Variants in MRTFB observed in about 807,000 individuals in gnomAD.
MRTFB encodes myocardin-related transcription factor B.
MRTFB carries 29 observed loss-of-function variants against 104.2 expected under a neutral mutation model. The observed-to-expected ratio is 0.28, with a 90% CI of 0.21 to 0.38. The LOEUF is 0.38. Ranked by LOEUF, MRTFB falls within the 10% of genes least tolerant of loss-of-function variation. MRTFB has a pLI of 1.00. For synonymous variants in MRTFB, 535 were observed against 519.5 expected, an observed-to-expected ratio of 1.03 and a Z score of -0.41; for missense variants, 1,270 against 1,341.6, an observed-to-expected ratio of 0.95 and a Z score of 0.83.
intron 3 of MRTFB, among the ~76,000 whole-genome samples, chr16:14,185,764 CTT>C (rs1264174735): frequency 6.6e-6 from 1 of 151,882 alleles, no homozygotes; most frequent in African/African-American, 2.4e-5. Context: ...TATGGGAACT[CTT>C]TGCAAAGGAA....
the MRTFB span, among the ~76,000 whole-genome samples, chr16:14,058,395 T>C: frequency 6.6e-6 from 1 of 151,922 alleles, no homozygotes; most frequent in Non-Finnish European, 1.5e-5. Flanking sequence ...ATAATAGAAA[T>C]AATGAAGGCA....
chr16:14,236,637 T>C (rs1032553915), intron 9 of MRTFB, among the ~76,000 whole-genome samples: 1 of 152,068 alleles, frequency 6.6e-6, no homozygotes, highest in Non-Finnish European at 1.5e-5. Context: ...GTGTGAGCCA[T>C]GAAGATATCT....
chr16:14,246,489 C>A lies in MRTFB; in HGVS notation c.1229C>A (p.Thr410Lys). ...TACCTCCAGGTATCAGAACTGAAGA[C>A]AGAACTGAAGTTAAGGGGTCTGCCA... ...LDDLKVSELK[T>K]ELKLRGLPVS... The change falls in exon 12 of 17, where the codon ACA (threonine) becomes AAA (lysine). Residue 410 changes from threonine to lysine, a missense_variant. Physicochemically the swap from Thr to Lys is moderately conservative, Grantham distance 78 (BLOSUM62 -1). This residue lies in a region of MRTFB where 1,144 missense variants were observed against 1,131.5 expected (regional missense o/e 1.01). Transcript: ENST00000571589. 6.2e-7 allele frequency: 1 copy of A among 1,614,058 alleles called. No homozygotes were observed. The highest frequency in any genetic ancestry group is 8.5e-7 in the Non-Finnish European group (1 of 1,179,958).
At chr16:14,218,748 T>TTTCCTCCTTCACATTAAGCTTGGTA (rs2041545478) in intron 7 of MRTFB, 72 bp from the exon 8 acceptor site, 6 of 1,439,406 alleles carry the variant, frequency 4.2e-6, no homozygotes, top group Non-Finnish European at 5.6e-6. Context: ...GAAACAATGT[T>TTTCCTCCTTCACATTAAGCTTGGTA]TTCCTCCTTC....
intron 12 of MRTFB, chr16:14,247,785 G>A (rs30147): frequency 0.19 from 73,456 of 383,266 alleles, 11,428 homozygotes; most frequent in African/African-American, 0.55. Flanking sequence ...CACCAGTGAC[G>A]TGATCATTGT....
chr16:14,242,640 A>G (rs2042824004), intron 10 of MRTFB, among the ~76,000 whole-genome samples: 1 of 152,172 alleles, frequency 6.6e-6, no homozygotes, highest in African/African-American at 2.4e-5. Context: ...AGTCCAGCCC[A>G]GCTTGTCTGC....
the MRTFB span, among the ~76,000 whole-genome samples, chr16:13,997,792 CA>C: frequency 0.047 from 4,262 of 90,628 alleles, 144 homozygotes; most frequent in African/African-American, 0.16. Context: ...GACCCTATCT[CA>C]AAAAAAAAAA....
intron 3 of MRTFB, among the ~76,000 whole-genome samples, chr16:14,205,865 G>A (rs1055114712): frequency 6.6e-6 from 1 of 152,164 alleles, no homozygotes; most frequent in African/African-American, 2.4e-5. Context: ...ACTCAGCAAG[G>A]CACCGGGAGA....
chr16:14,252,021 A>C lies in MRTFB; in HGVS notation c.2563A>C (p.Lys855Gln). 6.2e-7 allele frequency: 1 copy of C among 1,613,834 alleles called. No homozygotes were observed. The highest frequency in any genetic ancestry group is 8.5e-7 in the Non-Finnish European group (1 of 1,179,898). Residue 855 changes from lysine to glutamine, a missense_variant and splice_region_variant, in exon 14 of 17, where the codon AAG becomes CAG. Around this residue, in one of 3 missense-constraint regions of MRTFB, gnomAD observed 1,144 missense variants for 1,131.5 expected, o/e 1.01. Coordinates refer to ENST00000571589, the MANE Select transcript of MRTFB (RefSeq NM_001308142.2). Reference sequence around the variant, plus strand: ...GCAAAATGGACCTAACACACCCAACAAGGTAACCCTGTGAGGCTTGTGTGT... The same window carrying C: ...GCAAAATGGACCTAACACACCCAACCAGGTAACCCTGTGAGGCTTGTGTGT... ...SLQNGPNTPNKPSSPPPPQQF... is the reference protein window; with the variant it reads ...SLQNGPNTPNQPSSPPPPQQF...
chr16:14,117,877 G>T (rs1331439819), intron 2 of MRTFB, among the ~76,000 whole-genome samples: 10 of 152,020 alleles, frequency 6.6e-5, no homozygotes, highest in African/African-American at 2.4e-4. Context: ...CAACCATTTT[G>T]GTAAATTTCA....
intron 3 of MRTFB, chr16:14,200,595 A>G (rs1328342731): frequency 1.3e-6 from 2 of 1,595,538 alleles, no homozygotes; most frequent in Non-Finnish European, 1.7e-6. Context: ...GCAGTGAAGA[A>G]TATCACAGGT....
At chr16:14,047,060 C>T in the MRTFB span, among the ~76,000 whole-genome samples, 1 of 152,132 alleles carries the variant, frequency 6.6e-6, no homozygotes, top group Non-Finnish European at 1.5e-5. Flanking sequence ...ATAAGACAGA[C>T]GTGAATTCCT....
intron 2 of MRTFB, among the ~76,000 whole-genome samples, chr16:14,130,536 G>T (rs2037385246): frequency 6.6e-6 from 1 of 152,166 alleles, no homozygotes. Context: ...TAATATGTGA[G>T]TTATAGCCCA....
At chr16:14,110,704 A>T (rs961031745) in intron 2 of MRTFB, among the ~76,000 whole-genome samples, 1 of 152,086 alleles carries the variant, frequency 6.6e-6, no homozygotes, top group Non-Finnish European at 1.5e-5. Flanking sequence ...TCTCTAGGAA[A>T]TGTCTTGTCT....
intron 2 of MRTFB, chr16:14,092,927 T>C (rs2141985256): frequency 6.6e-6 from 1 of 152,338 alleles, no homozygotes; most frequent in South Asian, 2.1e-4. Context: ...GTAGTCTAAA[T>C]AGCAGATGTT....
At chr16:14,033,835 CAA>C in the MRTFB span, among the ~76,000 whole-genome samples, 88 of 90,430 alleles carry the variant, frequency 9.7e-4, no homozygotes, top group South Asian at 2.7e-3. Flanking sequence ...GACTCAGTCT[CAA>C]AAAAAAAAAA....
Position 14,246,737 on chromosome 16 carries a change from G to T in MRTFB, c.1477G>T (p.Ala493Ser). The T allele has an allele frequency of 6.2e-7, 1 of 1,614,130 alleles. No individual in the cohort carries two copies. The highest frequency in any genetic ancestry group is 8.5e-7 in the Non-Finnish European group (1 of 1,180,022). ...ATTGCCACCTACAGGAACCAGCAAC[G>T]CAACCCGTGTGGAAAATGTTCATTC... ...AELPPTGTSNATRVENVHSPL... is the reference protein window; with the variant it reads ...AELPPTGTSNSTRVENVHSPL... The change falls in exon 12 of 17, where the codon GCA becomes TCA. Residue 493 changes from alanine (A) to serine (S), a missense_variant. Ala to Ser is a moderately conservative substitution (Grantham distance 99). Around this residue, in one of 3 missense-constraint regions of MRTFB, gnomAD observed 1,144 missense variants for 1,131.5 expected, o/e 1.01. Coordinates refer to ENST00000571589, the MANE Select transcript of MRTFB (RefSeq NM_001308142.2).
chr16:14,106,789 G>A (rs1168602429), intron 2 of MRTFB, among the ~76,000 whole-genome samples: 2 of 152,174 alleles, frequency 1.3e-5, no homozygotes, highest in East Asian at 3.8e-4. Flanking sequence ...TATGAGGTCA[G>A]CATTGGGCTG....
At chr16:14,035,654 GCT>G in the MRTFB span, among the ~76,000 whole-genome samples, 2 of 152,114 alleles carry the variant, frequency 1.3e-5, no homozygotes, top group Non-Finnish European at 2.9e-5. Flanking sequence ...GAAAACTGAG[GCT>G]CTGTCATGAT....
Sources: gnomAD v4.1 joint callset for allele counts (sites outside exome capture counted in the v4.1 genomes callset) on GRCh38, gnomAD v4.1.1 for gene constraint, gnomAD v4.1.1 regional missense constraint, MANE v1.5 for transcripts, NCBI Gene and HGNC (gene_info 2026-07-23, HGNC 2026-07-21) for gene names.